Variants in RALGPS1 observed in about 807,000 individuals in gnomAD.
RALGPS1 encodes ras-specific guanine nucleotide-releasing factor RalGPS1.
RALGPS1 carries 19 observed loss-of-function variants against 78.8 expected under a neutral mutation model. That is an observed-to-expected ratio of 0.24 (90% confidence interval 0.17 to 0.35). The LOEUF (loss-of-function observed/expected upper bound fraction) is 0.35, where lower values mean the gene tolerates loss of function less well. Among genes scored for constraint, RALGPS1 ranks in the 10% least tolerant of loss-of-function variants. RALGPS1 has a pLI of 1.00. For synonymous variants in RALGPS1, 228 were observed against 256.3 expected, an observed-to-expected ratio of 0.89 and a Z score of 1.06; for missense variants, 454 against 688.3, an observed-to-expected ratio of 0.66 and a Z score of 3.81.
At position 127,195,184 on chromosome 9, in the gene RALGPS1, C is replaced by G; in HGVS notation, c.1004C>G (p.Pro335Arg). 1 of 1,612,330 alleles carries G rather than the reference C, an allele frequency of 6.2e-7. No homozygotes were observed. The stretch of plus-strand genomic sequence containing the variant: ...GGCAGCCTCCCCACACCTCCAGTCC[C>G]CAGACACAGGAAGAGCCACAGCCTA... Reference protein sequence around the residue: ...VAGSLPTPPVPRHRKSHSLGN... With the variant: ...VAGSLPTPPVRRHRKSHSLGN... Residue 335 changes from proline (P) to arginine (R), a missense_variant, in exon 12 of 19, where the codon CCC becomes CGC. By Grantham distance (103) the Pro-to-Arg change is moderately radical (BLOSUM62 -2). Transcript: ENST00000259351.
At chr9:127,094,046 G>A (rs1188479590) in intron 8 of RALGPS1, 6 of 1,149,270 alleles carry the variant, frequency 5.2e-6, no homozygotes, top group Non-Finnish European at 7.2e-6. Flanking sequence ...CAGGCCCACG[G>A]TCTGAGGTAA....
At position 127,108,860 on chromosome 9, in the gene RALGPS1, C is replaced by T. The variant is rs12684750; in HGVS notation, c.610+39504C>T. ...GTGCCATCAGTGATCCCAGCCTTCT[C>T]GCCAGGCAGGCAGAGCTTTCCAAAA... On this transcript the variant is annotated intron_variant, in intron 8 of 18. Coordinates refer to ENST00000259351, the MANE Select transcript of RALGPS1 (RefSeq NM_014636.3). The T allele has an allele frequency of 3.4e-4, 358 of 1,056,692 alleles. 2 individuals are homozygous for T. In the East Asian group the frequency reaches 9.0e-3, roughly 27 times the overall value. The allele number at this position is 1,056,692 out of a possible 1,614,324, so 65.5% of individuals were successfully genotyped here.
In RALGPS1 at chr9:126,958,911, T is replaced by C. The variant is rs189845140; in HGVS notation, c.-65-3314T>C. Among the ~76,000 whole-genome samples, 749 of 152,304 alleles carry C rather than the reference T, an allele frequency of 4.9e-3. 3 individuals are homozygous for C. Among genetic ancestry groups the C allele is most frequent in the Non-Finnish European group, 7.9e-3 (535 of 68,018 alleles). ...CGCGTGAGGGTTCTGTCTCTGCACA[T>C]TTTTGCCAATACTTGTTATGGCCTG... On this transcript the variant is annotated intron_variant, in intron 1 of 18. Transcript: ENST00000259351.
At chr9:126,931,711 C>G (rs2131148810) in intron 1 of RALGPS1, among the ~76,000 whole-genome samples, 1 of 152,064 alleles carries the variant, frequency 6.6e-6, no homozygotes, top group East Asian at 1.9e-4. Flanking sequence ...AGTGGTTGTG[C>G]AACTTAGTGA....
chr9:127,040,877 T>G (rs932199480), intron 5 of RALGPS1, among the ~76,000 whole-genome samples: 4 of 152,208 alleles, frequency 2.6e-5, no homozygotes, highest in Admixed American at 6.5e-5. Flanking sequence ...GTCTTTATAT[T>G]ACTTTATATG....
chr9:126,931,514 A>G (rs2035786917), intron 1 of RALGPS1, among the ~76,000 whole-genome samples: 5 of 152,242 alleles, frequency 3.3e-5, no homozygotes, highest in Admixed American at 3.3e-4. Context: ...GAAGCAAGAC[A>G]CAAAAGTCCA....
In RALGPS1 at chr9:127,168,692, C is replaced by G. The variant is rs767724946; in HGVS notation, c.762C>G (p.Thr254=). The change falls in exon 10 of 19, where the codon ACC becomes ACG. Residue 254 remains threonine (T), a synonymous_variant. Coordinates refer to ENST00000259351, the MANE Select transcript of RALGPS1 (RefSeq NM_014636.3). ...CACCTTTTGCAGATCACCTCACCAC[C>G]CTGCCCCATGTGCAGAAGTACCTGA... ...QVSCSYDHLT[T]LPHVQKYLKS... 1.9e-6 allele frequency: 3 copies of G among 1,613,208 alleles called. No individual in the cohort carries two copies. In the Admixed American group the frequency reaches 5.0e-5, roughly 27 times the overall value.
intron 8 of RALGPS1, among the ~76,000 whole-genome samples, chr9:127,135,411 G>GC (rs1365553582): frequency 1.3e-5 from 2 of 152,228 alleles, no homozygotes; most frequent in African/African-American, 4.8e-5. Context: ...TGGAGCTATG[G>GC]CTAGCCAGGT....
chr9:127,220,890 A>G lies in RALGPS1; in HGVS notation c.*2121A>G, dbSNP rs1430276342. Reference sequence around the variant, plus strand: ...AAAAACAGGTAATTTTCTATCCCTTATAAGTTTGTCTTTTCTTTCAGAAAC... The same window carrying G: ...AAAAACAGGTAATTTTCTATCCCTTGTAAGTTTGTCTTTTCTTTCAGAAAC... On this transcript the variant is annotated 3_prime_UTR_variant, in exon 19 of 19. Coordinates refer to ENST00000259351, the MANE Select transcript of RALGPS1 (RefSeq NM_014636.3). The G allele has an allele frequency of 4.6e-5, 7 of 152,632 alleles. No homozygotes were observed. The highest frequency in any genetic ancestry group is 3.3e-4 in the Admixed American group (5 of 15,280). 9.5% of individuals were successfully genotyped at this position (152,632 alleles called of 1,614,324 possible).
At chr9:127,171,762 AAAT>A (rs1399342725) in intron 10 of RALGPS1, among the ~76,000 whole-genome samples, 1 of 152,192 alleles carries the variant, frequency 6.6e-6, no homozygotes, top group African/African-American at 2.4e-5. Flanking sequence ...ATCTCAAAAA[AAAT>A]AATAATAATA....
chr9:127,195,970 A>G (rs1379156485), intron 12 of RALGPS1, among the ~76,000 whole-genome samples: 1 of 152,214 alleles, frequency 6.6e-6, no homozygotes, highest in Admixed American at 6.5e-5. Flanking sequence ...GACACTCTGC[A>G]TATGCCTGTC....
rs77820604 is a variant in RALGPS1 at position 127,215,775 on chromosome 9, T to C, written c.1644+933T>C. The stretch of plus-strand genomic sequence containing the variant: ...CAGATGGGGGCGGGCTGAAGCCTCC[T>C]GCTCCCTGGGGGTCAGGTGGGCAGC... On this transcript the variant is annotated intron_variant, in intron 18 of 18. Coordinates refer to ENST00000259351, the MANE Select transcript of RALGPS1 (RefSeq NM_014636.3). Among the ~76,000 whole-genome samples, 500 of 152,342 alleles carry C rather than the reference T, an allele frequency of 3.3e-3. 1 individual carries two copies. Among genetic ancestry groups the C allele is most frequent in the Non-Finnish European group, 5.8e-3 (394 of 68,026 alleles).
At chr9:126,948,528 AAAAAT>A (rs962345927) in intron 1 of RALGPS1, among the ~76,000 whole-genome samples, 67 of 152,294 alleles carry the variant, frequency 4.4e-4, no homozygotes, top group African/African-American at 1.2e-3. Flanking sequence ...CTCAAAAAGA[AAAAAT>A]AAAATAAAAT....
At chr9:126,930,225 G>A (rs2035673165) in intron 1 of RALGPS1, among the ~76,000 whole-genome samples, 1 of 149,576 alleles carries the variant, frequency 6.7e-6, no homozygotes, top group Admixed American at 6.7e-5. Context: ...TTAGGCTTGT[G>A]ACAGAGGAGC....
At chr9:126,980,105 T>C (rs994740994) in intron 4 of RALGPS1, among the ~76,000 whole-genome samples, 5 of 152,216 alleles carry the variant, frequency 3.3e-5, no homozygotes, top group Admixed American at 3.3e-4. Context: ...TTGTCAAAAC[T>C]GTGGTCAAAG....
At chr9:127,214,600 G>A in intron 17 of RALGPS1, 151 bp from the exon 18 acceptor site, 1 of 1,242,582 alleles carries the variant, frequency 8.0e-7, no homozygotes, top group Non-Finnish European at 1.1e-6. Flanking sequence ...ACTGGAGGGA[G>A]CCCTGGAGGC....
intron 1 of RALGPS1, among the ~76,000 whole-genome samples, chr9:126,923,650 A>G (rs10987521): frequency 0.38 from 57,402 of 151,984 alleles, 12,674 homozygotes; most frequent in Non-Finnish European, 0.48. Flanking sequence ...GTTTGTAACT[A>G]GGGTTAAAAT....
At chr9:127,050,345 T>G (rs928582307) in intron 6 of RALGPS1, among the ~76,000 whole-genome samples, 5 of 152,160 alleles carry the variant, frequency 3.3e-5, no homozygotes, top group Non-Finnish European at 7.3e-5. Flanking sequence ...GTGCGCAAAT[T>G]GGCAGCGTGC....
In RALGPS1 at chr9:127,218,100, C is replaced by T. The variant is rs561239855; in HGVS notation, c.1645-640C>T. ...ATGAAATTATTTCTAATCAAATCCT[C>T]CCACAGCAGTGCTGAGGGAGGAGGT... is the stretch of plus-strand genomic sequence containing the variant. On this transcript the variant is annotated intron_variant, in intron 18 of 18. Coordinates refer to ENST00000259351, the MANE Select transcript of RALGPS1 (RefSeq NM_014636.3). The surrounding 1 kb of genome is among the most constrained non-coding windows in gnomAD (Gnocchi z 4.4). 6.6e-6 allele frequency among the ~76,000 whole-genome samples: 1 copy of T among 152,224 alleles called. No individual in the cohort carries two copies. Among genetic ancestry groups the T allele is most frequent in the South Asian group, 2.1e-4 (1 of 4,820 alleles).
Sources: allele counts gnomAD v4.1 joint callset (sites outside exome capture counted in the v4.1 genomes callset), GRCh38; gene constraint gnomAD v4.1.1; non-coding constraint Gnocchi (gnomAD v3.1); transcripts MANE v1.5; gene names NCBI Gene and HGNC (gene_info 2026-07-23, HGNC 2026-07-21).